SND1: variants seen among roughly 807,000 people sequenced by gnomAD.
The protein encoded by SND1 is staphylococcal nuclease domain-containing protein 1.
SND1 carries 38 observed loss-of-function variants against 121.7 expected under a neutral mutation model. The observed-to-expected ratio is 0.31, with a 90% confidence interval of 0.24 to 0.41. The LOEUF is 0.41. SND1 is among the 10% of genes least tolerant of loss of function. The pLI is 1.00. For synonymous variants in SND1, 401 were observed against 447.4 expected (o/e 0.90, Z 1.31); for missense variants, 868 against 1,184.6 (o/e 0.73, Z 3.92).
At chr7:127,726,300 T>C (rs1202621849) in intron 10 of SND1, among the ~76,000 whole-genome samples, 1 of 152,170 alleles carries the variant, frequency 6.6e-6, no homozygotes, top group African/African-American at 2.4e-5. Context: ...TCTCTAGAAT[T>C]CTAGCTGGAT....
chr7:127,983,996 G>C (rs965900546), intron 15 of SND1, among the ~76,000 whole-genome samples: 1 of 152,156 alleles, frequency 6.6e-6, no homozygotes, highest in Non-Finnish European at 1.5e-5. Context: ...AATATTTGCA[G>C]ATTGTTATCC....
chr7:127,892,795 C>A (rs539253953), intron 13 of SND1, among the ~76,000 whole-genome samples: 1 of 133,280 alleles, frequency 7.5e-6, no homozygotes, highest in Non-Finnish European at 1.6e-5. Context: ...TGTTTTTTGT[C>A]CCCCCCTCCC....
chr7:127,816,377 A>G (rs1487279486), intron 11 of SND1, among the ~76,000 whole-genome samples: 1 of 152,236 alleles, frequency 6.6e-6, no homozygotes, highest in African/African-American at 2.4e-5. Flanking sequence ...GGCACTGTGC[A>G]GGAATTTTCT....
At chr7:127,660,096 A>G (rs1795283058) in intron 1 of SND1, among the ~76,000 whole-genome samples, 1 of 151,558 alleles carries the variant, frequency 6.6e-6, no homozygotes, top group African/African-American at 2.4e-5. Context: ...GAGAGTTAGA[A>G]TGAGACTAAA....
chr7:127,846,999 G>A (rs971860010), intron 12 of SND1, among the ~76,000 whole-genome samples: 2 of 152,030 alleles, frequency 1.3e-5, no homozygotes, highest in Non-Finnish European at 2.9e-5. Flanking sequence ...CAGGCGCGAT[G>A]GCTCATGCCT....
intron 15 of SND1, among the ~76,000 whole-genome samples, chr7:127,969,491 C>T (rs914335568): frequency 2.0e-5 from 3 of 152,084 alleles, no homozygotes; most frequent in Non-Finnish European, 4.4e-5. Flanking sequence ...TTTGGGAGGC[C>T]GAGGCGGGCA....
chr7:127,888,426 C>T lies in SND1; in HGVS notation c.1454+414C>T, dbSNP rs529662543. On this transcript the variant is annotated intron_variant, in intron 13 of 23. Coordinates refer to ENST00000354725, the MANE Select transcript of SND1 (RefSeq NM_014390.4). The stretch of plus-strand genomic sequence containing the variant: ...GCCCCTCCCGTTTACCACCTCTAGA[C>T]CTTTTGTCATGTACAAAGGAAAGAA... 7.2e-5 allele frequency among the ~76,000 whole-genome samples: 11 copies of T among 152,196 alleles called. No homozygotes were observed. In the South Asian group the frequency reaches 1.9e-3, roughly 26 times the overall value.
At chr7:127,905,941 A>G (rs7794328) in intron 14 of SND1, among the ~76,000 whole-genome samples, 9,022 of 152,138 alleles carry the variant, frequency 0.059, 782 homozygotes, top group African/African-American at 0.19. Flanking sequence ...ATCAGAGTGT[A>G]TTATCTTCCT....
chr7:128,084,876 T>C (rs1268072154), intron 19 of SND1, 29 bp downstream of exon 19: 11 of 1,576,422 alleles, frequency 7.0e-6, no homozygotes, highest in Non-Finnish European at 9.5e-6. Context: ...CAAGGCAGAG[T>C]CTTGAGCAGG....
At chr7:128,005,567 G>A (rs985841491) in intron 16 of SND1, among the ~76,000 whole-genome samples, 1 of 152,188 alleles carries the variant, frequency 6.6e-6, no homozygotes, top group African/African-American at 2.4e-5. Flanking sequence ...CAATTCATTT[G>A]TCATGAGCTA....
At chr7:128,087,083 G>A in intron 21 of SND1, 32 bp downstream of exon 21, 1 of 1,545,970 alleles carries the variant, frequency 6.5e-7, no homozygotes, top group Non-Finnish European at 8.9e-7. Context: ...TTCCAAAGGG[G>A]ACTATCCACT....
intron 9 of SND1, among the ~76,000 whole-genome samples, chr7:127,719,574 A>G (rs907200797): frequency 2.6e-5 from 4 of 152,180 alleles, no homozygotes; most frequent in South Asian, 2.1e-4. Flanking sequence ...TGTTTAGCCT[A>G]TGATTCTCAG....
chr7:127,936,357 A>G (rs1040158053), intron 15 of SND1, among the ~76,000 whole-genome samples: 1 of 152,024 alleles, frequency 6.6e-6, no homozygotes, highest in African/African-American at 2.4e-5. Context: ...CTTTTTCCTC[A>G]TCTGGCCTTT....
At chr7:127,730,953 G>T (rs1243394238) in intron 10 of SND1, among the ~76,000 whole-genome samples, 2 of 152,248 alleles carry the variant, frequency 1.3e-5, no homozygotes, top group East Asian at 3.8e-4. Context: ...TCTTTTGTAA[G>T]GTGGGCCACA....
chr7:128,086,680 G>A (rs901783583), intron 20 of SND1: 2 of 564,240 alleles, frequency 3.5e-6, no homozygotes, highest in South Asian at 2.0e-5. Context: ...TACTGCGATT[G>A]TTTTCATGGG....
intron 15 of SND1, among the ~76,000 whole-genome samples, chr7:127,990,042 T>C (rs187702445): frequency 1.3e-5 from 2 of 152,062 alleles, no homozygotes; most frequent in Admixed American, 1.3e-4. Context: ...GACAGGTTGG[T>C]TGTGGGGGTC....
At chr7:127,901,869 A>G (rs191484123) in intron 13 of SND1, among the ~76,000 whole-genome samples, 1 of 152,324 alleles carries the variant, frequency 6.6e-6, no homozygotes, top group East Asian at 1.9e-4. Context: ...TAAGTATCTG[A>G]TAATATGCTT....
intron 10 of SND1, among the ~76,000 whole-genome samples, chr7:127,757,788 T>G (rs1230266373): frequency 1.3e-5 from 2 of 152,238 alleles, no homozygotes; most frequent in African/African-American, 4.8e-5. Context: ...GACTTCTTAG[T>G]TGAGTTGTTT....
At chr7:128,010,806 G>T (rs183643536) in intron 16 of SND1, among the ~76,000 whole-genome samples, 6 of 152,270 alleles carry the variant, frequency 3.9e-5, no homozygotes, top group African/African-American at 1.4e-4. Flanking sequence ...CTGTTTGCCA[G>T]CCTTCCTTTA....
Sources: gnomAD v4.1 joint callset for allele counts (sites outside exome capture counted in the v4.1 genomes callset) on GRCh38, gnomAD v4.1.1 for gene constraint, MANE v1.5 for transcripts, NCBI Gene and HGNC (gene_info 2026-07-23, HGNC 2026-07-21) for gene names.